PTTG1IP2: variants seen among roughly 807,000 people sequenced by gnomAD.
PTTG1IP2 encodes PTTG1IP family member 2.
chr7:90,498,871 A>T (rs1798028304), intron 6 of PTTG1IP2, among the ~76,000 whole-genome samples: 1 of 152,064 alleles, frequency 6.6e-6, no homozygotes, highest in Non-Finnish European at 1.5e-5. Flanking sequence ...CTTTTCTTTG[A>T]GACAGGGTCT....
intron 6 of PTTG1IP2, among the ~76,000 whole-genome samples, chr7:90,499,849 C>G (rs948933049): frequency 1.3e-5 from 2 of 152,080 alleles, no homozygotes; most frequent in Non-Finnish European, 2.9e-5. Context: ...TCCCAAAATG[C>G]TGGGATTATA....
At chr7:90,489,289 T>TTATC (rs1323722486) in intron 4 of PTTG1IP2, among the ~76,000 whole-genome samples, 2 of 151,908 alleles carry the variant, frequency 1.3e-5, no homozygotes, top group Non-Finnish European at 2.9e-5. Context: ...ATTTTAGATG[T>TTATC]TATCTATTGA....
At chr7:90,483,793 C>G (rs984809294) in intron 2 of PTTG1IP2, among the ~76,000 whole-genome samples, 1 of 152,128 alleles carries the variant, frequency 6.6e-6, no homozygotes, top group Non-Finnish European at 1.5e-5. Flanking sequence ...GTTTCCTTTA[C>G]CAATTCCTCT....
In PTTG1IP2 at chr7:90,473,750, G is replaced by A. The variant is rs112518451; in HGVS notation, c.145+3819G>A. On this transcript the variant is annotated intron_variant, in intron 1 of 6. Coordinates refer to ENST00000509356, the MANE Select transcript of PTTG1IP2 (RefSeq NM_001365443.2). ...TAGCTGCGCCTCTCTGACAGTACTT[G>A]TTTCACCAGAGAGGCAGAAGAACAC... Among the ~76,000 whole-genome samples, 1,347 of 152,234 alleles carry A rather than the reference G, an allele frequency of 8.8e-3. 25 individuals carry two copies. Among genetic ancestry groups the A allele is most frequent in the African/African-American group, 0.031 (1,287 of 41,528 alleles).
intron 1 of PTTG1IP2, among the ~76,000 whole-genome samples, chr7:90,472,181 C>G (rs1261780453): frequency 6.6e-6 from 1 of 151,804 alleles, no homozygotes; most frequent in Admixed American, 6.6e-5. Flanking sequence ...AAGGTCTGAA[C>G]AGAGCTGTGC....
intron 1 of PTTG1IP2, among the ~76,000 whole-genome samples, chr7:90,471,743 G>A (rs1797689911): frequency 6.6e-6 from 1 of 152,120 alleles, no homozygotes; most frequent in Non-Finnish European, 1.5e-5. Context: ...CAAGTTGAGG[G>A]GGTATCCATT....
intron 6 of PTTG1IP2, among the ~76,000 whole-genome samples, chr7:90,499,528 A>G (rs1798037378): frequency 6.6e-6 from 1 of 152,190 alleles, no homozygotes; most frequent in South Asian, 2.1e-4. Flanking sequence ...TTAAATGCAT[A>G]ATGTAAAAAG....
chr7:90,493,880 A>G (rs1386850098), intron 5 of PTTG1IP2, among the ~76,000 whole-genome samples: 1 of 152,232 alleles, frequency 6.6e-6, no homozygotes, highest in Non-Finnish European at 1.5e-5. Flanking sequence ...GGTAGTTTTC[A>G]GAGTATTTAT....
At chr7:90,483,496 G>C (rs1797836934) in intron 2 of PTTG1IP2, among the ~76,000 whole-genome samples, 2 of 152,040 alleles carry the variant, frequency 1.3e-5, no homozygotes, top group South Asian at 4.1e-4. Flanking sequence ...GCCTATTTCT[G>C]TGCATTGGCT....
At chr7:90,503,475 T>A (rs913944094) in intron 6 of PTTG1IP2, among the ~76,000 whole-genome samples, 2 of 152,246 alleles carry the variant, frequency 1.3e-5, no homozygotes, top group Non-Finnish European at 2.9e-5. Flanking sequence ...TCTTGGCTTT[T>A]GGCATGCCTT....
chr7:90,507,015 C>G (rs1017153264), intron 6 of PTTG1IP2, among the ~76,000 whole-genome samples: 20 of 152,136 alleles, frequency 1.3e-4, no homozygotes, highest in Non-Finnish European at 1.3e-4. Context: ...CGATATATTC[C>G]TGACCTATTG....
At chr7:90,509,991 G>A (rs1798168401) in intron 6 of PTTG1IP2, among the ~76,000 whole-genome samples, 3 of 152,190 alleles carry the variant, frequency 2.0e-5, no homozygotes, top group African/African-American at 7.2e-5. Context: ...AAAGTGCCTT[G>A]AATTGCAGGA....
chr7:90,498,948 C>A (rs1210077892), intron 6 of PTTG1IP2, among the ~76,000 whole-genome samples: 1 of 152,064 alleles, frequency 6.6e-6, no homozygotes, highest in Non-Finnish European at 1.5e-5. Context: ...ACCTCCTGGG[C>A]TCAATTGATC....
intron 1 of PTTG1IP2, among the ~76,000 whole-genome samples, chr7:90,470,560 A>G (rs376806472): frequency 4.5e-4 from 69 of 152,334 alleles, no homozygotes; most frequent in African/African-American, 1.5e-3. Context: ...ATGAGACAGA[A>G]TAATTACTGC....
At chr7:90,499,320 T>C (rs1798034744) in intron 6 of PTTG1IP2, among the ~76,000 whole-genome samples, 1 of 152,194 alleles carries the variant, frequency 6.6e-6, no homozygotes, top group Admixed American at 6.5e-5. Context: ...TATTATAGTT[T>C]TGTTTGATTT....
intron 6 of PTTG1IP2, among the ~76,000 whole-genome samples, chr7:90,498,679 T>G (rs1798025603): frequency 6.6e-6 from 1 of 152,228 alleles, no homozygotes; most frequent in African/African-American, 2.4e-5. Flanking sequence ...CCATTCACAT[T>G]TGAGTATATT....
chr7:90,499,763 T>C (rs540934722), intron 6 of PTTG1IP2, among the ~76,000 whole-genome samples: 51 of 152,144 alleles, frequency 3.4e-4, no homozygotes, highest in Non-Finnish European at 4.6e-4. Context: ...TTTGTGTTTT[T>C]AGTAGAAACG....
intron 6 of PTTG1IP2, among the ~76,000 whole-genome samples, chr7:90,510,078 C>T (rs1226392962): frequency 6.6e-6 from 1 of 152,052 alleles, no homozygotes; most frequent in Non-Finnish European, 1.5e-5. Flanking sequence ...CTGGGAGCAT[C>T]ATGTAGAGAT....
intron 1 of PTTG1IP2, among the ~76,000 whole-genome samples, chr7:90,476,752 C>A (rs1294409709): frequency 6.6e-6 from 1 of 151,774 alleles, no homozygotes; most frequent in Non-Finnish European, 1.5e-5. Context: ...CTTTATTCAC[C>A]TAACAACATA....
Sources: gnomAD v4.1 joint callset for allele counts (sites outside exome capture counted in the v4.1 genomes callset) on GRCh38, gnomAD v4.1.1 for gene constraint, MANE v1.5 for transcripts, NCBI Gene and HGNC (gene_info 2026-07-23, HGNC 2026-07-21) for gene names.